Variants in CPHXL observed in about 807,000 individuals in gnomAD.
CPHXL encodes cytoplasmic polyadenylated homeobox like.
chr16:75,719,530 C>T (rs1959443850), intron 1 of CPHXL, among the ~76,000 whole-genome samples: 1 of 152,172 alleles, frequency 6.6e-6, no homozygotes, highest in South Asian at 2.1e-4. Context: ...TGAGATCAAA[C>T]TGCAGGGTGG....
At chr16:75,722,182 A>G (rs1184113463) in intron 1 of CPHXL, among the ~76,000 whole-genome samples, 1 of 152,244 alleles carries the variant, frequency 6.6e-6, no homozygotes, top group Admixed American at 6.5e-5. Context: ...CCCTAACATC[A>G]CAATGAAAAG....
rs984524158 is a variant in CPHXL at position 75,721,408 on chromosome 16, T to A, written c.26-2950A>T. On this transcript the variant is annotated intron_variant, in intron 1 of 2. Transcript: ENST00000640559. ...GCTCAAAATAAAGGGATGGAGGAAG[T>A]TCTACCAAGCAAATGGAAAACAAAA... is the stretch of plus-strand genomic sequence containing the variant. 7.6e-4 allele frequency among the ~76,000 whole-genome samples: 116 copies of A among 151,980 alleles called. 1 individual carries two copies. Among genetic ancestry groups the A allele is most frequent in the East Asian group, 4.6e-3 (24 of 5,172 alleles).
At chr16:75,719,029 G>A (rs1294069062) in intron 1 of CPHXL, among the ~76,000 whole-genome samples, 2 of 152,158 alleles carry the variant, frequency 1.3e-5, no homozygotes, top group African/African-American at 2.4e-5. Context: ...TGAGTTCCAC[G>A]AGTGTAGTTG....
chr16:75,715,315 A>C, intron 2 of CPHXL, 93 bp from the exon 3 acceptor site: 2 of 397,704 alleles, frequency 5.0e-6, no homozygotes, highest in Non-Finnish European at 8.9e-6. Flanking sequence ...TTTCTATTTA[A>C]GCCTCTTCCA....
rs900021329 is a variant in CPHXL at position 75,718,398 on chromosome 16, G to C, written c.86C>G (p.Thr29Arg). Reference sequence around the variant, plus strand: ...TTCAGAAAATTTATGTCGGTGTTTTGTTTTTCTTTTATTCTTTGTTTGTCT... The same window carrying C: ...TTCAGAAAATTTATGTCGGTGTTTTCTTTTTCTTTTATTCTTTGTTTGTCT... ...EERQTKNKRK[T>R]KHRHKFSEEL... Residue 29 changes from threonine to arginine, a missense_variant, in exon 2 of 3, where the codon ACA (threonine) becomes AGA (arginine). Physicochemically the swap from Thr to Arg is moderately conservative, Grantham distance 71 (BLOSUM62 -1). Transcript: ENST00000640559. 3 of 398,498 alleles carry C rather than the reference G, an allele frequency of 7.5e-6. No individual in the cohort carries two copies. The highest frequency in any genetic ancestry group is 6.2e-5 in the African/African-American group (3 of 48,586). 24.7% of individuals were successfully genotyped at this position (398,498 alleles called of 1,614,324 possible).
intron 2 of CPHXL, among the ~76,000 whole-genome samples, chr16:75,717,304 T>C (rs1423606649): frequency 6.6e-6 from 1 of 152,232 alleles, no homozygotes; most frequent in Non-Finnish European, 1.5e-5. Context: ...CATAATACTA[T>C]TTTCTTATGC....
At chr16:75,715,259 C>T (rs953044577) in intron 2 of CPHXL, 37 bp from the exon 3 acceptor site, 35 of 398,562 alleles carry the variant, frequency 8.8e-5, no homozygotes, top group Admixed American at 2.6e-4. Context: ...ATTGACTCTA[C>T]TTATCTGAAT....
intron 1 of CPHXL, among the ~76,000 whole-genome samples, chr16:75,722,280 C>T (rs1044943153): frequency 6.8e-6 from 1 of 147,956 alleles, no homozygotes; most frequent in Non-Finnish European, 1.5e-5. Context: ...GAAATAGAGA[C>T]ACAAAAAAAC....
At chr16:75,720,019 C>G (rs1396631281) in intron 1 of CPHXL, among the ~76,000 whole-genome samples, 1 of 152,186 alleles carries the variant, frequency 6.6e-6, no homozygotes, top group Non-Finnish European at 1.5e-5. Flanking sequence ...CCGGCAAACT[C>G]CAACAGACCT....
rs1423578223 is a variant in CPHXL at position 75,715,166 on chromosome 16, A to C, written c.276T>G (p.Phe92Leu). ...GAAAATCATGCTTTTTCTGAAGAAC[A>C]AATATTCTGCGTCTTTCTGCAGGTG... ...RLPPAERRRI[F>L]VLQKKHDFPV... is the part of the protein sequence containing the mutation. The change falls in exon 3 of 3, where the codon TTT becomes TTG. Residue 92 changes from phenylalanine to leucine, a missense_variant. Coordinates refer to ENST00000640559, the MANE Select transcript of CPHXL (RefSeq NM_001355613.1). 1 of 398,854 alleles carries C rather than the reference A, an allele frequency of 2.5e-6. No individual in the cohort carries two copies. Among genetic ancestry groups the C allele is most frequent in the African/African-American group, 2.1e-5 (1 of 48,648 alleles). 24.7% of individuals were successfully genotyped at this position (398,854 alleles called of 1,614,324 possible). A position where few individuals can be genotyped will look rare whatever the true frequency, so the allele number is the denominator to read the frequency against.
Position 75,714,288 on chromosome 16 carries a change from G to A in CPHXL, c.1154C>T (p.Pro385Leu). Residue 385 changes from proline (P) to leucine (L), a missense_variant, in exon 3 of 3, where the codon CCT becomes CTT. By Grantham distance (98) the Pro-to-Leu change is moderately conservative (BLOSUM62 -3). Transcript: ENST00000640559. ...CCTTTCCTGCATATCTTGCCCCAGA[G>A]GCAGAAGGGGTGAGTCGGCAGCTAT... is the stretch of plus-strand genomic sequence containing the variant. ...LQIAADSPLL[P>L]LGQDMQERAS... The A allele has an allele frequency of 2.5e-6, 1 of 398,686 alleles. No homozygotes were observed. The highest frequency in any genetic ancestry group is 3.6e-5 in the East Asian group (1 of 28,068). The allele number at this position is 398,686 out of a possible 1,614,324, so 24.7% of individuals were successfully genotyped here. A position where few individuals can be genotyped will look rare whatever the true frequency, so the allele number is the denominator to read the frequency against.
chr16:75,726,380 A>C (rs1486762164), intron 1 of CPHXL, 38 bp downstream of exon 1: 14 of 398,482 alleles, frequency 3.5e-5, no homozygotes, highest in Non-Finnish European at 6.2e-5. Context: ...AAAGCAAGGG[A>C]AGTAGCATTG....
chr16:75,715,195 G>T lies in CPHXL; in HGVS notation c.247C>A (p.Leu83Ile), dbSNP rs1271936746. ...ATTCTGCGTCTTTCTGCAGGTGGAA[G>T]TCTGGCTCTTTTATTCTGGAACCAA... ...DNWFQNKRAR[L>I]PPAERRRIFV... The change falls in exon 3 of 3, where the codon CTT becomes ATT. Residue 83 changes from leucine (L) to isoleucine (I), a missense_variant. Leu to Ile is a conservative substitution (Grantham distance 5). Transcript: ENST00000640559. 2.5e-6 allele frequency: 1 copy of T among 398,778 alleles called. No individual in the cohort carries two copies. The highest frequency in any genetic ancestry group is 2.1e-5 in the African/African-American group (1 of 48,630). 24.7% of individuals were successfully genotyped at this position (398,778 alleles called of 1,614,324 possible).
intron 1 of CPHXL, among the ~76,000 whole-genome samples, chr16:75,721,221 CATA>C (rs1280955671): frequency 6.6e-6 from 1 of 152,156 alleles, no homozygotes; most frequent in Non-Finnish European, 1.5e-5. Context: ...CAGCTAACAT[CATA>C]ATGACAGGAT....
intron 2 of CPHXL, 96 bp downstream of exon 2, chr16:75,718,165 CCGTG>C (rs1959420483): frequency 2.5e-6 from 1 of 393,728 alleles, no homozygotes; most frequent in South Asian, 1.4e-4. Context: ...CTGCAGTGAG[CCGTG>C]ATCATGCCAC....
intron 1 of CPHXL, among the ~76,000 whole-genome samples, chr16:75,724,536 A>C (rs1959526184): frequency 6.6e-6 from 1 of 152,256 alleles, no homozygotes; most frequent in Admixed American, 6.5e-5. Context: ...GCTCATCATC[A>C]CTGGCCATCA....
At chr16:75,718,041 G>T (rs1959418438) in intron 2 of CPHXL, among the ~76,000 whole-genome samples, 1 of 140,296 alleles carries the variant, frequency 7.1e-6, no homozygotes, top group Admixed American at 7.5e-5. Flanking sequence ...TGGGCAACAT[G>T]GTGAGACCCC....
chr16:75,718,646 C>T (rs1234915956), intron 1 of CPHXL, among the ~76,000 whole-genome samples, 188 bp from the exon 2 acceptor site: 1 of 152,158 alleles, frequency 6.6e-6, no homozygotes, highest in African/African-American at 2.4e-5. Context: ...AACTCTAGGC[C>T]TATGGGCCAG....
At chr16:75,726,052 A>G (rs1357203468) in intron 1 of CPHXL, among the ~76,000 whole-genome samples, 1 of 148,716 alleles carries the variant, frequency 6.7e-6, no homozygotes, top group Non-Finnish European at 1.5e-5. Context: ...TTAATGAAAG[A>G]GGTAAAACTT....
Sources: gnomAD v4.1 joint callset for allele counts (sites outside exome capture counted in the v4.1 genomes callset) on GRCh38, gnomAD v4.1.1 for gene constraint, MANE v1.5 for transcripts, NCBI Gene and HGNC (gene_info 2026-07-23, HGNC 2026-07-21) for gene names.